GALNT8: variants seen among roughly 807,000 people sequenced by gnomAD.
GALNT8 encodes probable polypeptide N-acetylgalactosaminyltransferase 8.
In GALNT8, 66 loss-of-function variants were observed where a neutral mutation model predicts 62.7. That is an observed-to-expected ratio of 1.05 (90% CI 0.86 to 1.29). GALNT8 has a LOEUF of 1.29. Among genes scored for constraint, GALNT8 ranks in the 50% most tolerant of loss-of-function variants. GALNT8 has a pLI of 0.00. For missense variants in GALNT8, 771 were observed against 791.8 expected (o/e 0.97, Z 0.32); for synonymous variants, 288 against 294.3 (o/e 0.98, Z 0.22).
At chr12:4,769,932 T>C (rs1946415541) in intron 10 of GALNT8, among the ~76,000 whole-genome samples, 1 of 152,166 alleles carries the variant, frequency 6.6e-6, no homozygotes, top group African/African-American at 2.4e-5. Flanking sequence ...AAGCATCTAT[T>C]ACTTTTGTAA....
In GALNT8 at chr12:4,764,800, C is replaced by T. The variant is rs147550591; in HGVS notation, c.1594-579C>T. Among the ~76,000 whole-genome samples, 906 of 151,522 alleles carry T rather than the reference C, an allele frequency of 6.0e-3. 8 individuals are homozygous for T. Among genetic ancestry groups the T allele is most frequent in the African/African-American group, 0.021 (872 of 41,280 alleles). ...ATCTCCTGATCTCGTGATCCGCCCA[C>T]CTTGGCCTCCCAAAGTGCTGGGATT... On this transcript the variant is annotated intron_variant, in intron 9 of 10. Coordinates refer to ENST00000252318, the MANE Select transcript of GALNT8 (RefSeq NM_017417.2).
intron 2 of GALNT8, among the ~76,000 whole-genome samples, chr12:4,738,069 C>T (rs1311185967): frequency 6.6e-6 from 1 of 152,196 alleles, no homozygotes; most frequent in Non-Finnish European, 1.5e-5. Flanking sequence ...AATGAAAATA[C>T]CCAACTTTAG....
chr12:4,763,588 C>G (rs1946382886), intron 8 of GALNT8, among the ~76,000 whole-genome samples, 198 bp downstream of exon 8: 1 of 152,218 alleles, frequency 6.6e-6, no homozygotes, highest in African/African-American at 2.4e-5. Flanking sequence ...CTCTCTGCTT[C>G]TACTCCCCTT....
chr12:4,736,717 C>A, intron 2 of GALNT8, among the ~76,000 whole-genome samples: 1 of 151,902 alleles, frequency 6.6e-6, no homozygotes, highest in East Asian at 1.9e-4. Flanking sequence ...AACAACGAAG[C>A]AAATTACAAT....
Position 4,758,776 on chromosome 12 carries a change from C to CT in GALNT8, c.1174-2169dup, listed in dbSNP as rs10612506. ...TGGGCATTACTTCATAAACGGCAAT[C>CT]TTTTTTTTTTTTTCTTTTGAGACAG... On this transcript the variant is annotated intron_variant, in intron 6 of 10. Transcript: ENST00000252318. 2.5e-4 allele frequency among the ~76,000 whole-genome samples: 37 copies of CT among 147,026 alleles called. 1 individual carries two copies. The highest frequency in any genetic ancestry group is 2.0e-3 in the East Asian group (10 of 4,970).
intron 10 of GALNT8, among the ~76,000 whole-genome samples, chr12:4,769,248 A>G (rs907901179): frequency 6.6e-6 from 1 of 152,166 alleles, no homozygotes; most frequent in Non-Finnish European, 1.5e-5. Context: ...GTTTGGGGAA[A>G]GAGGAAGTGG....
At chr12:4,736,575 A>G (rs577425276) in intron 2 of GALNT8, among the ~76,000 whole-genome samples, 1 of 152,020 alleles carries the variant, frequency 6.6e-6, no homozygotes, top group South Asian at 2.1e-4. Context: ...AGGCTAAAAG[A>G]GAAAAACAAG....
At chr12:4,733,783 G>C (rs995981522) in intron 2 of GALNT8, among the ~76,000 whole-genome samples, 3 of 152,100 alleles carry the variant, frequency 2.0e-5, no homozygotes, top group Non-Finnish European at 4.4e-5. Context: ...ATCCACTTAC[G>C]AATTCGCCAC....
chr12:4,730,866 CTTT>C (rs1163742469), intron 2 of GALNT8, among the ~76,000 whole-genome samples: 2 of 137,292 alleles, frequency 1.5e-5, no homozygotes, highest in Non-Finnish European at 3.2e-5. Flanking sequence ...TTTTTCTTTT[CTTT>C]TTTTTTTTTT....
intron 10 of GALNT8, among the ~76,000 whole-genome samples, chr12:4,770,955 G>A (rs948394331): frequency 6.6e-6 from 1 of 152,294 alleles, no homozygotes; most frequent in East Asian, 1.9e-4. Context: ...CTCTAGCATC[G>A]AGGATGGCTG....
At chr12:4,747,806 A>C (rs1946306604) in intron 6 of GALNT8, among the ~76,000 whole-genome samples, 1 of 152,178 alleles carries the variant, frequency 6.6e-6, no homozygotes, top group South Asian at 2.1e-4. Context: ...ACTGTTCTCC[A>C]TAGTGGTTGT....
intron 3 of GALNT8, among the ~76,000 whole-genome samples, chr12:4,742,603 C>T (rs1251059060): frequency 6.6e-6 from 1 of 152,000 alleles, no homozygotes; most frequent in Non-Finnish European, 1.5e-5. Context: ...AAAGAAAGCA[C>T]GGTGTGGGGG....
chr12:4,745,170 G>C (rs772984987), intron 4 of GALNT8, among the ~76,000 whole-genome samples: 3 of 152,202 alleles, frequency 2.0e-5, no homozygotes, highest in Non-Finnish European at 2.9e-5. Flanking sequence ...TGAGAATGCT[G>C]CTTCACAACG....
intron 2 of GALNT8, among the ~76,000 whole-genome samples, chr12:4,727,197 CT>C (rs1946200232): frequency 6.6e-6 from 1 of 152,118 alleles, no homozygotes; most frequent in Non-Finnish European, 1.5e-5. Context: ...TTTCCTAGGA[CT>C]TTGCTCAAAT....
chr12:4,760,566 C>T (rs1165975375), intron 6 of GALNT8, among the ~76,000 whole-genome samples: 3 of 152,176 alleles, frequency 2.0e-5, no homozygotes, highest in Admixed American at 6.5e-5. Flanking sequence ...GTCTGTCTGC[C>T]ACATTGCCCT....
Position 4,720,590 on chromosome 12 carries a change from C to T in GALNT8, c.-88C>T. 2 of 910,092 alleles carry T rather than the reference C, an allele frequency of 2.2e-6. No individual in the cohort carries two copies. The allele number at this position is 910,092 out of a possible 1,614,324, so 56.4% of individuals were successfully genotyped here. Reference sequence around the variant, plus strand: ...AACTGGCACCTAGAACTCTCTTTCCCACAAAAGCTAGGCTGGTTCTGATTC... The same window carrying T: ...AACTGGCACCTAGAACTCTCTTTCCTACAAAAGCTAGGCTGGTTCTGATTC... On this transcript the variant is annotated 5_prime_UTR_variant, in exon 1 of 11. Coordinates refer to ENST00000252318, the MANE Select transcript of GALNT8 (RefSeq NM_017417.2).
At chr12:4,767,141 C>G (rs559914491) in intron 10 of GALNT8, among the ~76,000 whole-genome samples, 2 of 152,114 alleles carry the variant, frequency 1.3e-5, no homozygotes, top group Non-Finnish European at 2.9e-5. Context: ...CAAAGTGTTC[C>G]CCTGGCCTTA....
In GALNT8 at chr12:4,726,585, A is replaced by C. The variant is rs1187433078; in HGVS notation, c.265A>C (p.Lys89Gln). 1.3e-5 allele frequency: 21 copies of C among 1,613,512 alleles called. No individual in the cohort carries two copies. The highest frequency in any genetic ancestry group is 1.7e-5 in the Non-Finnish European group (20 of 1,179,556). ...ACAAGAAAATGTGAACAGCACACTG[A>C]AGAGGGCGAAAGATGAAGTACGCCC... ...RQQENVNSTLKRAKDEVRPLL... is the reference protein window; with the variant it reads ...RQQENVNSTLQRAKDEVRPLL... The change falls in exon 2 of 11, where the codon AAG (lysine) becomes CAG (glutamine). Residue 89 changes from lysine (K) to glutamine (Q), a missense_variant. Physicochemically the swap from Lys to Gln is moderately conservative, Grantham distance 53 (BLOSUM62 1). Coordinates refer to ENST00000252318, the MANE Select transcript of GALNT8 (RefSeq NM_017417.2). The surrounding 1 kb of genome is among the most constrained non-coding windows in gnomAD (Gnocchi z 4.1).
chr12:4,749,189 G>A lies in GALNT8; in HGVS notation c.1173+2931G>A, dbSNP rs1276708072. 6.6e-6 allele frequency among the ~76,000 whole-genome samples: 1 copy of A among 152,090 alleles called. No individual in the cohort carries two copies. The highest frequency in any genetic ancestry group is 2.4e-5 in the African/African-American group (1 of 41,426). On this transcript the variant is annotated intron_variant, in intron 6 of 10. Coordinates refer to ENST00000252318, the MANE Select transcript of GALNT8 (RefSeq NM_017417.2). The surrounding 1 kb of genome is among the most constrained non-coding windows in gnomAD (Gnocchi z 4.1). The stretch of plus-strand genomic sequence containing the variant: ...GAACTTCATCCATTCCAACTTGGAT[G>A]CCTTTATTTATTTCTCTTGTCTAAT...
Sources: gnomAD v4.1 joint callset for allele counts (sites outside exome capture counted in the v4.1 genomes callset) on GRCh38, gnomAD v4.1.1 for gene constraint, Gnocchi (gnomAD v3.1) non-coding constraint, MANE v1.5 for transcripts, NCBI Gene and HGNC (gene_info 2026-07-23, HGNC 2026-07-21) for gene names.